Variants in TSHZ2 observed in about 807,000 individuals in gnomAD.
TSHZ2 encodes teashirt homolog 2.
A neutral mutation model predicts 74.4 loss-of-function variants in TSHZ2; 21 were observed. The observed-to-expected ratio is 0.28, with a 90% CI of 0.20 to 0.41. The LOEUF is 0.41. Ranked by LOEUF, TSHZ2 falls within the 10% of genes least tolerant of loss-of-function variation. TSHZ2 has a pLI of 1.00. For missense variants in TSHZ2, 1,244 were observed against 1,293.5 expected, an observed-to-expected ratio of 0.96 and a Z score of 0.59; for synonymous variants, 540 against 515.3, an observed-to-expected ratio of 1.05 and a Z score of -0.65.
chr20:53,139,388 A>G (rs971283606), intron 1 of TSHZ2, among the ~76,000 whole-genome samples: 5 of 152,234 alleles, frequency 3.3e-5, no homozygotes, highest in African/African-American at 1.2e-4. Flanking sequence ...TCCTTGAAGA[A>G]AGAGACTGGG....
intron 2 of TSHZ2, among the ~76,000 whole-genome samples, chr20:53,486,057 C>T (rs1986282322): frequency 6.6e-6 from 1 of 152,096 alleles, no homozygotes; most frequent in Non-Finnish European, 1.5e-5. Context: ...GCTTTTCCCA[C>T]CTCATCCCCA....
chr20:53,026,108 C>T (rs1600652633), intron 1 of TSHZ2, among the ~76,000 whole-genome samples: 2 of 152,208 alleles, frequency 1.3e-5, no homozygotes, highest in African/African-American at 4.8e-5. Flanking sequence ...CCAAAGCTTC[C>T]TCTTCCCAAC....
chr20:53,473,952 A>G (rs1011071281), intron 2 of TSHZ2, among the ~76,000 whole-genome samples: 3 of 152,124 alleles, frequency 2.0e-5, no homozygotes, highest in African/African-American at 7.2e-5. Flanking sequence ...AGAGAAGTTT[A>G]GAGAAAAAAG....
At chr20:53,378,277 C>A (rs1981732908) in intron 2 of TSHZ2, among the ~76,000 whole-genome samples, 2 of 151,564 alleles carry the variant, frequency 1.3e-5, no homozygotes, top group African/African-American at 4.8e-5. Flanking sequence ...GAGGCAGGGG[C>A]TGTTGTGAGC....
intron 1 of TSHZ2, among the ~76,000 whole-genome samples, chr20:53,058,621 G>T (rs545780371): frequency 1.3e-5 from 2 of 152,274 alleles, no homozygotes; most frequent in East Asian, 3.9e-4. Flanking sequence ...AAGACAGTAG[G>T]AGAAAAAAAG....
chr20:53,286,484 T>C (rs973812024), intron 2 of TSHZ2, among the ~76,000 whole-genome samples: 13 of 152,246 alleles, frequency 8.5e-5, no homozygotes, highest in African/African-American at 3.1e-4. Context: ...GTTTTTTGAT[T>C]GGAGGTGTCA....
chr20:53,145,744 A>G (rs1987524966), intron 1 of TSHZ2, among the ~76,000 whole-genome samples: 1 of 152,206 alleles, frequency 6.6e-6, no homozygotes, highest in Non-Finnish European at 1.5e-5. Flanking sequence ...GGGAACAGCC[A>G]GACAATTGCC....
chr20:53,185,057 G>A (rs368376800), intron 1 of TSHZ2, among the ~76,000 whole-genome samples: 10 of 152,160 alleles, frequency 6.6e-5, no homozygotes, highest in Admixed American at 2.0e-4. Flanking sequence ...TGGATTGGTC[G>A]GACTGTTCCT....
chr20:53,362,708 C>A (rs1179366533), intron 2 of TSHZ2, among the ~76,000 whole-genome samples: 1 of 152,166 alleles, frequency 6.6e-6, no homozygotes, highest in Non-Finnish European at 1.5e-5. Flanking sequence ...TGGTAAGAAT[C>A]TGATTGCTTT....
At chr20:53,143,025 C>G (rs1188695015) in intron 1 of TSHZ2, among the ~76,000 whole-genome samples, 1 of 152,194 alleles carries the variant, frequency 6.6e-6, no homozygotes, top group African/African-American at 2.4e-5. Context: ...CTTTGCAACA[C>G]TTAAGACAAG....
At chr20:53,121,108 A>G (rs1001110858) in intron 1 of TSHZ2, among the ~76,000 whole-genome samples, 16 of 151,966 alleles carry the variant, frequency 1.1e-4, no homozygotes, top group African/African-American at 4.8e-5. Flanking sequence ...AAATATTTCT[A>G]TTTGGGGAAA....
At chr20:53,276,434 C>T (rs1018910949) in intron 2 of TSHZ2, among the ~76,000 whole-genome samples, 1 of 152,106 alleles carries the variant, frequency 6.6e-6, no homozygotes, top group African/African-American at 2.4e-5. Flanking sequence ...TAGATCTATC[C>T]ACTTTTGCTG....
intron 2 of TSHZ2, among the ~76,000 whole-genome samples, chr20:53,294,879 A>G (rs552892219): frequency 1.3e-5 from 2 of 152,324 alleles, no homozygotes; most frequent in South Asian, 2.1e-4. Context: ...AGGTGAAGGC[A>G]GCATAAAGCC....
chr20:53,419,004 A>G (rs1983372329), intron 2 of TSHZ2, among the ~76,000 whole-genome samples: 1 of 152,192 alleles, frequency 6.6e-6, no homozygotes, highest in South Asian at 2.1e-4. Context: ...CTGTCTTTCA[A>G]AGTTCAAGCC....
intron 2 of TSHZ2, among the ~76,000 whole-genome samples, chr20:53,316,780 C>T (rs1420022753): frequency 6.6e-6 from 1 of 152,170 alleles, no homozygotes; most frequent in Non-Finnish European, 1.5e-5. Flanking sequence ...GTATCACCCA[C>T]AAGGCTGACA....
At chr20:52,983,692 C>T (rs1981649491) in intron 1 of TSHZ2, among the ~76,000 whole-genome samples, 2 of 152,276 alleles carry the variant, frequency 1.3e-5, no homozygotes, top group East Asian at 1.9e-4. Flanking sequence ...TTGTATTTTG[C>T]GCATCGTGAC....
intron 1 of TSHZ2, among the ~76,000 whole-genome samples, chr20:53,116,347 C>T (rs1048716395): frequency 6.6e-6 from 1 of 152,198 alleles, no homozygotes; most frequent in Non-Finnish European, 1.5e-5. Flanking sequence ...CCTGGAGGTT[C>T]CTTTTGCAAT....
intron 1 of TSHZ2, among the ~76,000 whole-genome samples, chr20:53,045,568 C>T (rs888986068): frequency 1.3e-5 from 2 of 152,220 alleles, no homozygotes; most frequent in Admixed American, 6.5e-5. Flanking sequence ...TATCCTGATT[C>T]ATTCACCTAA....
chr20:53,178,565 G>A (rs537582930), intron 1 of TSHZ2: 5 of 152,092 alleles, frequency 3.3e-5, no homozygotes, highest in East Asian at 1.9e-4. Context: ...AGGAACCCTC[G>A]CATATTAAAT....
Sources: gnomAD v4.1 joint callset for allele counts (sites outside exome capture counted in the v4.1 genomes callset) on GRCh38, gnomAD v4.1.1 for gene constraint, MANE v1.5 for transcripts, NCBI Gene and HGNC (gene_info 2026-07-23, HGNC 2026-07-21) for gene names.